The following SMTNL2 variants were observed in gnomAD, a reference collection of about 807,000 sequenced individuals.
The protein encoded by SMTNL2 is smoothelin like 2.
In SMTNL2, 43 loss-of-function variants were observed where a neutral mutation model predicts 44.1. That is an observed-to-expected ratio of 0.98 (90% CI 0.76 to 1.26). The LOEUF (loss-of-function observed/expected upper bound fraction) is 1.26, where lower values mean the gene tolerates loss of function less well. Ranked by LOEUF, SMTNL2 falls within the 50% of genes most tolerant of loss-of-function variation. The probability of loss-of-function intolerance (pLI) is 0.00; values close to 1 mark genes in which losing one functional copy is unlikely to be tolerated. For synonymous variants in SMTNL2, 317 were observed against 287.6 expected (o/e 1.10, Z -1.03); for missense variants, 646 against 670.2 (o/e 0.96, Z 0.40).
chr17:4,607,211 A>G lies in SMTNL2; in HGVS notation c.1260-150A>G, dbSNP rs1910312365. Reference sequence around the variant, plus strand: ...AGTCAGTGACTCCAAGGGTTCTGCCAGGGTTATCTGAATTCCCCGCTGGTG... The same window carrying G: ...AGTCAGTGACTCCAAGGGTTCTGCCGGGGTTATCTGAATTCCCCGCTGGTG... On this transcript the variant is annotated intron_variant, in intron 7 of 7. Transcript: ENST00000389313. The surrounding 1 kb of genome is among the most constrained non-coding windows in gnomAD (Gnocchi z 4.7). The G allele has an allele frequency of 8.1e-7, 1 of 1,228,016 alleles. No homozygotes were observed. The allele number at this position is 1,228,016 out of a possible 1,614,324, so 76.1% of individuals were successfully genotyped here.
chr17:4,593,284 C>T, intron 3 of SMTNL2, 113 bp downstream of exon 3: 5 of 1,405,626 alleles, frequency 3.6e-6, no homozygotes, highest in Middle Eastern at 5.1e-4. Flanking sequence ...GGGGCTAAGC[C>T]CAGCCCTGCC....
chr17:4,592,594 A>G lies in SMTNL2; in HGVS notation c.487+146A>G, dbSNP rs1597411176. On this transcript the variant is annotated intron_variant, in intron 2 of 7. Transcript: ENST00000389313. This position sits in a 1 kb window ranked among gnomAD's most constrained non-coding sequence, Gnocchi z 4.5. ...CAGCAGGGAGAGAGGCTGCCAGGAG[A>G]GCAGCGTCATTCAGTAGAACTTGTG... 1.3e-6 allele frequency: 1 copy of G among 746,192 alleles called. No homozygotes were observed. Among genetic ancestry groups the G allele is most frequent in the South Asian group, 1.8e-5 (1 of 54,252 alleles). The allele number at this position is 746,192 out of a possible 1,614,324, so 46.2% of individuals were successfully genotyped here.
intron 1 of SMTNL2, among the ~76,000 whole-genome samples, chr17:4,588,484 T>C (rs1567631541): frequency 6.6e-6 from 1 of 152,162 alleles, no homozygotes; most frequent in Admixed American, 6.5e-5. Flanking sequence ...TCTCCAGCGA[T>C]TTCTGCCCCG....
intron 7 of SMTNL2, among the ~76,000 whole-genome samples, chr17:4,606,184 C>G (rs928369492): frequency 4.6e-5 from 7 of 152,030 alleles, no homozygotes; most frequent in South Asian, 2.1e-4. Context: ...TGCAATCGCA[C>G]GATCTCGGCT....
At chr17:4,605,083 C>T (rs1322672815) in intron 7 of SMTNL2, among the ~76,000 whole-genome samples, 1 of 151,914 alleles carries the variant, frequency 6.6e-6, no homozygotes, top group African/African-American at 2.4e-5. Context: ...CTCTGTGATC[C>T]ACCCTGCTTC....
intron 1 of SMTNL2, among the ~76,000 whole-genome samples, chr17:4,590,662 TC>T (rs944075985): frequency 1.3e-5 from 2 of 152,102 alleles, no homozygotes; most frequent in Admixed American, 1.3e-4. Context: ...CTCTTCCATG[TC>T]CACCCAGTCT....
chr17:4,601,640 C>T (rs747065848), intron 7 of SMTNL2, among the ~76,000 whole-genome samples: 4 of 151,930 alleles, frequency 2.6e-5, no homozygotes, highest in African/African-American at 7.3e-5. Flanking sequence ...CCTCCTGCCT[C>T]GGCCTCCCAA....
rs556796500 is a variant in SMTNL2 at position 4,593,013 on chromosome 17, G to A, written c.572G>A (p.Arg191Gln). The stretch of plus-strand genomic sequence containing the variant: ...CCTCGTCCTGTGAGCCTCTCCTTGC[G>A]GCTGCCCCACCAGCCAGTCACGGCC... The part of the protein sequence containing the change: ...PRPRPVSLSL[R>Q]LPHQPVTAIT... The change falls in exon 3 of 8, where the codon CGG becomes CAG. Residue 191 changes from arginine (R) to glutamine (Q), a missense_variant. Coordinates refer to ENST00000389313, the MANE Select transcript of SMTNL2 (RefSeq NM_001114974.2). 18 of 1,613,824 alleles carry A rather than the reference G, an allele frequency of 1.1e-5. No homozygotes were observed. Among genetic ancestry groups the A allele is most frequent in the East Asian group, 6.7e-5 (3 of 44,870 alleles).
In SMTNL2 at chr17:4,592,891, AC is replaced by A. The variant is rs1555546680; in HGVS notation, c.488-37del. Reference sequence around the variant, plus strand: ...GAGGTCCCAGGCCCCTGTGGCTGCCACAGCTGACCACCCACCCATGCTGGTC... The same window carrying A: ...GAGGTCCCAGGCCCCTGTGGCTGCCAAGCTGACCACCCACCCATGCTGGTC... On this transcript the variant is annotated intron_variant, in intron 2 of 7. Transcript: ENST00000389313. This position sits in a 1 kb window ranked among gnomAD's most constrained non-coding sequence, Gnocchi z 4.5. The A allele has an allele frequency of 1.3e-6, 2 of 1,583,882 alleles. No individual in the cohort carries two copies. The highest frequency in any genetic ancestry group is 1.7e-6 in the Non-Finnish European group (2 of 1,160,798).
intron 7 of SMTNL2, among the ~76,000 whole-genome samples, chr17:4,599,947 G>A (rs958381299): frequency 6.6e-6 from 1 of 152,320 alleles, no homozygotes; most frequent in South Asian, 2.1e-4. Context: ...CTGTGGAGGG[G>A]GCAGGGAGGA....
At position 4,593,884 on chromosome 17, in the gene SMTNL2, A is replaced by C; in HGVS notation, c.793A>C (p.Lys265Gln). 6.2e-7 allele frequency: 1 copy of C among 1,614,004 alleles called. No homozygotes were observed. Among genetic ancestry groups the C allele is most frequent in the Non-Finnish European group, 8.5e-7 (1 of 1,179,960 alleles). ...SSGYGAVTAS[K>Q]HSNSPPLVTP... ...TGGCTATGGGGCAGTGACAGCAAGC[A>C]AACACAGCAATAGGTGAGTCAGGGC... The change falls in exon 4 of 8, where the codon AAA (lysine) becomes CAA (glutamine). Residue 265 changes from lysine to glutamine, a missense_variant. Physicochemically the swap from Lys to Gln is moderately conservative, Grantham distance 53. Transcript: ENST00000389313.
rs1187954930 is a variant in SMTNL2 at position 4,592,749 on chromosome 17, A to G, written c.488-180A>G. Among the ~76,000 whole-genome samples, 1 of 152,130 alleles carries G rather than the reference A, an allele frequency of 6.6e-6. No individual in the cohort carries two copies. Among genetic ancestry groups the G allele is most frequent in the Non-Finnish European group, 1.5e-5 (1 of 68,016 alleles). ...CATGAGGGGAAGTTGGGAAAAATCA[A>G]TTCTGGTTGGAGCAGTAAGATATCC... is the stretch of plus-strand genomic sequence containing the variant. On this transcript the variant is annotated intron_variant, in intron 2 of 7. Transcript: ENST00000389313. This position sits in a 1 kb window ranked among gnomAD's most constrained non-coding sequence, Gnocchi z 4.5.
intron 5 of SMTNL2, 86 bp from the exon 6 acceptor site, chr17:4,596,773 TG>T: frequency 8.3e-7 from 1 of 1,210,614 alleles, no homozygotes; most frequent in African/African-American, 1.6e-5. Context: ...TCCTTGGTGG[TG>T]CCAGGACAGC....
In SMTNL2 at chr17:4,598,419, G is replaced by T. The variant is rs1909903411; in HGVS notation, c.1259+1096G>T. ...GTCCCCAAAGCCGAGTCTTCTGGAG[G>T]GCGCGTTTGTTATTCTCTCCCTGCC... On this transcript the variant is annotated intron_variant, in intron 7 of 7. Transcript: ENST00000389313. The surrounding 1 kb of genome is among the most constrained non-coding windows in gnomAD (Gnocchi z 4.8). 6.6e-6 allele frequency among the ~76,000 whole-genome samples: 1 copy of T among 152,152 alleles called. No homozygotes were observed. The highest frequency in any genetic ancestry group is 1.5e-5 in the Non-Finnish European group (1 of 68,022).
intron 1 of SMTNL2, among the ~76,000 whole-genome samples, chr17:4,589,716 C>G (rs1324063598): frequency 6.6e-6 from 1 of 152,040 alleles, no homozygotes; most frequent in Non-Finnish European, 1.5e-5. Flanking sequence ...GGAAAAACCC[C>G]TCAGACCCTT....
chr17:4,596,935 G>C lies in SMTNL2; in HGVS notation c.1065G>C (p.Gln355His). ...TGGCCAGCGCCAGCAGCATCAAGCA[G>C]ATCCTGCTCGAGTGGTGCCGCAGCA... The part of the protein sequence containing the change: ...FGVASASSIK[Q>H]ILLEWCRSKT... The change falls in exon 6 of 8, where the codon CAG (glutamine) becomes CAC (histidine). Residue 355 changes from glutamine to histidine, a missense_variant. Transcript: ENST00000389313. 8 of 1,527,504 alleles carry C rather than the reference G, an allele frequency of 5.2e-6. No individual in the cohort carries two copies. Among genetic ancestry groups the C allele is most frequent in the Non-Finnish European group, 7.1e-6 (8 of 1,131,272 alleles). 94.6% of individuals were successfully genotyped at this position (1,527,504 alleles called of 1,614,324 possible).
intron 7 of SMTNL2, among the ~76,000 whole-genome samples, chr17:4,605,365 TGTCCAGGCTG>T (rs1437960141): frequency 6.6e-6 from 1 of 151,962 alleles, no homozygotes; most frequent in East Asian, 1.9e-4. Context: ...TTTGCTGTGT[TGTCCAGGCTG>T]GTCTCAAACT....
chr17:4,591,330 C>A (rs750399739), intron 1 of SMTNL2, among the ~76,000 whole-genome samples: 1 of 152,254 alleles, frequency 6.6e-6, no homozygotes, highest in Admixed American at 6.5e-5. Context: ...TCAAGCCGCT[C>A]GTCCTGGGCT....
At position 4,595,450 on chromosome 17, in the gene SMTNL2, G is replaced by A; in HGVS notation, c.989+123G>A. 7.3e-7 allele frequency: 1 copy of A among 1,366,332 alleles called. No individual in the cohort carries two copies. The highest frequency in any genetic ancestry group is 9.8e-7 in the Non-Finnish European group (1 of 1,015,236). The allele number at this position is 1,366,332 out of a possible 1,614,324, so 84.6% of individuals were successfully genotyped here. A position where few individuals can be genotyped will look rare whatever the true frequency, so the allele number is the denominator to read the frequency against. On this transcript the variant is annotated intron_variant, in intron 5 of 7. Transcript: ENST00000389313. The surrounding 1 kb of genome is among the most constrained non-coding windows in gnomAD (Gnocchi z 5.1). ...TGTTCCCCAGGGCGCTGTTGCCCAG[G>A]ACAAGATCTCTTGGGCAAGGCACAA...
Sources: gnomAD v4.1 joint callset for allele counts (sites outside exome capture counted in the v4.1 genomes callset) on GRCh38, gnomAD v4.1.1 for gene constraint, Gnocchi (gnomAD v3.1) non-coding constraint, MANE v1.5 for transcripts, NCBI Gene and HGNC (gene_info 2026-07-23, HGNC 2026-07-21) for gene names.